EXTL2: variants seen among roughly 807,000 people sequenced by gnomAD.
EXTL2 encodes the protein exostosin like glycosyltransferase 2.
Under a neutral mutation model 30.7 loss-of-function variants are expected in EXTL2, and 23 were observed. The observed-to-expected ratio is 0.75, with a 90% CI of 0.54 to 1.06. EXTL2 has a LOEUF of 1.06. Among genes scored for constraint, EXTL2 ranks in the 50% least tolerant of loss-of-function variants. EXTL2 has a pLI of 0.00. For missense variants in EXTL2, 352 were observed against 396.3 expected, an observed-to-expected ratio of 0.89 and a Z score of 0.95; for synonymous variants, 123 against 133.8, an observed-to-expected ratio of 0.92 and a Z score of 0.56.
intron 2 of EXTL2, chr1:100,880,994 T>C: frequency 1.0e-6 from 1 of 982,530 alleles, no homozygotes; most frequent in Non-Finnish European, 1.2e-6. Context: ...TAGGAGTTTA[T>C]CCCCTGTATC....
chr1:100,873,934 T>C lies in EXTL2; in HGVS notation c.*8A>G, dbSNP rs779557476. On this transcript the variant is annotated 3_prime_UTR_variant, in exon 5 of 5. Coordinates refer to ENST00000370114, the MANE Select transcript of EXTL2 (RefSeq NM_001033025.3). The stretch of plus-strand genomic sequence containing the variant: ...CAGTTTTCAGGTTTGTTTTTGTTTG[T>C]TTTACTTTTATATTTTTCTTTTGTA... The C allele has an allele frequency of 1.3e-6, 2 of 1,549,438 alleles. No individual in the cohort carries two copies. The highest frequency in any genetic ancestry group is 2.3e-5 in the East Asian group (1 of 44,316).
At chr1:100,884,448 G>A (rs1305551939) in intron 2 of EXTL2, among the ~76,000 whole-genome samples, 1 of 152,200 alleles carries the variant, frequency 6.6e-6, no homozygotes, top group African/African-American at 2.4e-5. Context: ...GTAAGAAGAT[G>A]CAAAAAGAAA....
chr1:100,876,744 C>G (rs1649147537), intron 4 of EXTL2, 50 bp downstream of exon 4: 2 of 1,264,228 alleles, frequency 1.6e-6, no homozygotes, highest in Non-Finnish European at 2.3e-6. Flanking sequence ...TGGTTAAGTA[C>G]TAGTCAAGAT....
At chr1:100,889,222 G>A (rs116819435) in intron 1 of EXTL2, among the ~76,000 whole-genome samples, 2 of 152,190 alleles carry the variant, frequency 1.3e-5, no homozygotes, top group Non-Finnish European at 2.9e-5. Context: ...GGGGGCAGGA[G>A]AGAGTGAGTA....
chr1:100,874,977 TAATATA>T (rs1648991092), intron 4 of EXTL2, among the ~76,000 whole-genome samples: 1 of 152,034 alleles, frequency 6.6e-6, no homozygotes, highest in Non-Finnish European at 1.5e-5. Flanking sequence ...AAAAATGAGA[TAATATA>T]AATAAATGTT....
intron 1 of EXTL2, 62 bp from the exon 2 acceptor site, chr1:100,888,890 A>G (rs1650189009): frequency 3.4e-6 from 2 of 593,316 alleles, no homozygotes. Flanking sequence ...AAATTTAAAA[A>G]CAAAACAAAA....
Position 100,877,697 on chromosome 1 carries a change from T to C in EXTL2, c.212A>G (p.Gln71Arg), listed in dbSNP as rs1357860089. ...STMDSFTLIM[Q>R]TYNRTDLLLK... ...TAAGAGATCTGTTCTGTTGTACGTC[T>C]GCATTATGAGAGTAAAGGAGTCCAT... Residue 71 changes from glutamine to arginine, a missense_variant, in exon 3 of 5, where the codon CAG (glutamine) becomes CGG (arginine). Coordinates refer to ENST00000370114, the MANE Select transcript of EXTL2 (RefSeq NM_001033025.3). The surrounding 1 kb of genome is among the most constrained non-coding windows in gnomAD (Gnocchi z 4.1). 2 of 1,613,468 alleles carry C rather than the reference T, an allele frequency of 1.2e-6. No individual in the cohort carries two copies. Among genetic ancestry groups the C allele is most frequent in the African/African-American group, 2.7e-5 (2 of 74,890 alleles).
In EXTL2 at chr1:100,888,843, CA is replaced by C. The variant is rs768548911; in HGVS notation, c.-71-16del. On this transcript the variant is annotated splice_polypyrimidine_tract_variant and intron_variant, in intron 1 of 4. Coordinates refer to ENST00000370114, the MANE Select transcript of EXTL2 (RefSeq NM_001033025.3). ...CTCACTTGTCACTATTAAGATAAAT[CA>C]AAGAATTTTCTGTGATGTTTCTGTC... 26 of 1,011,442 alleles carry C rather than the reference CA, an allele frequency of 2.6e-5. No individual in the cohort carries two copies. The highest frequency in any genetic ancestry group is 3.5e-5 in the Non-Finnish European group (25 of 710,742). 62.7% of individuals were successfully genotyped at this position (1,011,442 alleles called of 1,614,324 possible). A position where few individuals can be genotyped will look rare whatever the true frequency, so the allele number is the denominator to read the frequency against.
At chr1:100,874,641 A>T (rs1376564021) in intron 4 of EXTL2, among the ~76,000 whole-genome samples, 2 of 152,046 alleles carry the variant, frequency 1.3e-5, no homozygotes, top group South Asian at 2.1e-4. Context: ...CAACCCAAAC[A>T]TCTCTGAAAA....
intron 2 of EXTL2, chr1:100,888,198 C>T (rs2100964182): frequency 6.6e-6 from 1 of 152,368 alleles, no homozygotes; most frequent in East Asian, 1.9e-4. Context: ...ATAAAACCAA[C>T]TCTATAGGAG....
rs539524165 is a variant in EXTL2, at chr1:100,874,101, A to T, written c.834T>A (p.Ser278Arg). ...CTCGATGCCACATTCCAGAATAGCC[A>T]CTGTTGGTTTCTTTTTCCAAATTGT... ...NMDNLEKETNSGYSGMWHRAE... is the reference protein window; with the variant it reads ...NMDNLEKETNRGYSGMWHRAE... Residue 278 changes from serine to arginine, a missense_variant, in exon 5 of 5, where the codon AGT becomes AGA. Ser to Arg is a moderately radical substitution (Grantham distance 110). Transcript: ENST00000370114. 69 of 1,612,940 alleles carry T rather than the reference A, an allele frequency of 4.3e-5. No individual in the cohort carries two copies. The highest frequency in any genetic ancestry group is 5.8e-5 in the Non-Finnish European group (68 of 1,179,528).
At chr1:100,878,142 A>G (rs1649275828) in intron 2 of EXTL2, among the ~76,000 whole-genome samples, 1 of 152,112 alleles carries the variant, frequency 6.6e-6, no homozygotes, top group African/African-American at 2.4e-5. Context: ...TACACACAAA[A>G]TTGGAAAAAT....
At chr1:100,880,779 T>C (rs1465898908) in intron 2 of EXTL2, 2 of 168,676 alleles carry the variant, frequency 1.2e-5, no homozygotes, top group East Asian at 3.8e-4. Context: ...GATTAAGATC[T>C]TTATATTCAT....
At chr1:100,876,597 G>T (rs74954103) in intron 4 of EXTL2, among the ~76,000 whole-genome samples, 197 bp downstream of exon 4, 6,435 of 151,940 alleles carry the variant, frequency 0.042, 432 homozygotes, top group African/African-American at 0.14. Flanking sequence ...ATTAAATCTA[G>T]ATAAAAGATA....
At chr1:100,879,506 A>C (rs1450383242) in intron 2 of EXTL2, among the ~76,000 whole-genome samples, 1 of 152,194 alleles carries the variant, frequency 6.6e-6, no homozygotes, top group Non-Finnish European at 1.5e-5. Flanking sequence ...AAAAAAATAG[A>C]TCTCTGAGAA....
chr1:100,877,561 G>A lies in EXTL2; in HGVS notation c.348C>T (p.Pro116=), dbSNP rs1649222505. The change falls in exon 3 of 5, where the codon CCC becomes CCT. Residue 116 remains proline, a synonymous_variant. Transcript: ENST00000370114. This position sits in a 1 kb window ranked among gnomAD's most constrained non-coding sequence, Gnocchi z 4.1. ...GTTTGAAGATCACAGGGATAGGGTG[G>A]GGCCCTAGAGAATTCCATAATTCAT... ...APDELWNSLG[P]HPIPVIFKQQ... 6.2e-7 allele frequency: 1 copy of A among 1,613,280 alleles called. No homozygotes were observed. Among genetic ancestry groups the A allele is most frequent in the Non-Finnish European group, 8.5e-7 (1 of 1,179,556 alleles).
rs1428128162 is a variant in EXTL2 at position 100,873,969 on chromosome 1, T to C, written c.966A>G (p.Pro322=). 6.3e-7 allele frequency: 1 copy of C among 1,580,114 alleles called. No individual in the cohort carries two copies. Among genetic ancestry groups the C allele is most frequent in the East Asian group, 2.2e-5 (1 of 44,626 alleles). Residue 322 remains proline, a synonymous_variant, in exon 5 of 5, where the codon CCA becomes CCG. Coordinates refer to ENST00000370114, the MANE Select transcript of EXTL2 (RefSeq NM_001033025.3). Reference sequence around the variant, plus strand: ...ATATTTTTCTTTTGTAGTTGGCATATGGAAAACCAAACTGGGAAATCATAA... The same window carrying C: ...ATATTTTTCTTTTGTAGTTGGCATACGGAAAACCAAACTGGGAAATCATAA... The part of the protein sequence containing the change: ...SNIMISQFGF[P]YANYKRKI
intron 2 of EXTL2, 73 bp downstream of exon 2, chr1:100,888,680 G>A (rs886953612): frequency 3.2e-5 from 25 of 786,374 alleles, no homozygotes; most frequent in Middle Eastern, 6.4e-4. Context: ...CTTAAAACCC[G>A]TTAAGGTGAT....
intron 1 of EXTL2, among the ~76,000 whole-genome samples, chr1:100,894,279 A>G (rs916251522): frequency 2.6e-5 from 4 of 152,162 alleles, no homozygotes; most frequent in African/African-American, 9.7e-5. Context: ...TCAGCAGTGC[A>G]GTAGAGTAAA....
Sources: gnomAD v4.1 joint callset for allele counts (sites outside exome capture counted in the v4.1 genomes callset) on GRCh38, gnomAD v4.1.1 for gene constraint, Gnocchi (gnomAD v3.1) non-coding constraint, MANE v1.5 for transcripts, NCBI Gene and HGNC (gene_info 2026-07-23, HGNC 2026-07-21) for gene names.